RNF10: variants seen among roughly 807,000 people sequenced by gnomAD.
RNF10 encodes E3 ubiquitin-protein ligase RNF10.
A neutral mutation model predicts 91.4 loss-of-function variants in RNF10; 38 were observed. That is an observed-to-expected ratio of 0.42 (90% CI 0.32 to 0.54). The LOEUF is 0.54. Among genes scored for constraint, RNF10 ranks in the 20% least tolerant of loss-of-function variants. RNF10 has a pLI of 0.16. For synonymous variants in RNF10, 364 were observed against 366.3 expected, an observed-to-expected ratio of 0.99 and a Z score of 0.07; for missense variants, 945 against 1,012.0, an observed-to-expected ratio of 0.93 and a Z score of 0.90.
intron 6 of RNF10, among the ~76,000 whole-genome samples, chr12:120,559,373 G>T (rs1467297402): frequency 6.6e-6 from 1 of 151,250 alleles, no homozygotes; most frequent in Admixed American, 6.6e-5. Flanking sequence ...GTGTGTGTGT[G>T]TTGTGCTTTT....
At chr12:120,556,111 T>G (rs1873964131) in intron 4 of RNF10, among the ~76,000 whole-genome samples, 1 of 151,546 alleles carries the variant, frequency 6.6e-6, no homozygotes, top group South Asian at 2.1e-4. Context: ...TCAAAGCCAC[T>G]GATGTGTTTT....
At chr12:120,574,569 G>C in intron 14 of RNF10, 1 of 455,914 alleles carries the variant, frequency 2.2e-6, no homozygotes, top group African/African-American at 2.0e-5. Flanking sequence ...GGTGTCAGGA[G>C]AGAGTTTAGT....
Position 120,534,831 on chromosome 12 carries a change from A to ACGCCGC in RNF10, c.25_30dup (p.Ala9_Ala10dup), listed in dbSNP as rs779855080. The ACGCCGC allele has an allele frequency of 1.3e-6, 2 of 1,591,732 alleles. No individual in the cohort carries two copies. The highest frequency in any genetic ancestry group is 1.7e-6 in the Non-Finnish European group (2 of 1,174,374). On this transcript the variant is annotated inframe_insertion, in exon 1 of 17. Transcript: ENST00000325954. ...CCGTTGATGCCGCTGAGCTCCCCCA[A>ACGCCGC]CGCCGCCGCCACCGCCTCCGACATG...
intron 1 of RNF10, among the ~76,000 whole-genome samples, chr12:120,544,608 A>G (rs1290109038): frequency 1.3e-5 from 2 of 152,178 alleles, no homozygotes; most frequent in Non-Finnish European, 1.5e-5. Flanking sequence ...AGTGAACGAG[A>G]TTGTGCCACT....
chr12:120,558,465 C>T (rs1421754543), intron 6 of RNF10, among the ~76,000 whole-genome samples: 2 of 150,988 alleles, frequency 1.3e-5, no homozygotes, highest in Non-Finnish European at 2.9e-5. Flanking sequence ...AAAAAAAAAT[C>T]CTCAGATATG....
intron 1 of RNF10, among the ~76,000 whole-genome samples, chr12:120,536,765 T>G (rs926220073): frequency 6.6e-6 from 1 of 152,230 alleles, no homozygotes; most frequent in Non-Finnish European, 1.5e-5. Context: ...ATGTTAAGGA[T>G]TTGGTTCTCC....
intron 14 of RNF10, chr12:120,575,307 G>A: frequency 3.4e-6 from 1 of 296,180 alleles, no homozygotes; most frequent in East Asian, 7.9e-5. Context: ...CCCAGGAAGG[G>A]CAGAAAAACT....
At chr12:120,576,401 C>T (rs1406316424) in intron 16 of RNF10, among the ~76,000 whole-genome samples, 189 bp from the exon 17 acceptor site, 1 of 152,168 alleles carries the variant, frequency 6.6e-6, no homozygotes, top group Admixed American at 6.5e-5. Flanking sequence ...AACTGAGGTC[C>T]AGGGAGGTAA....
intron 1 of RNF10, among the ~76,000 whole-genome samples, chr12:120,540,419 A>AT (rs764621612): frequency 6.6e-6 from 1 of 152,068 alleles, no homozygotes; most frequent in Non-Finnish European, 1.5e-5. Flanking sequence ...GGAACTTGAT[A>AT]TTTTTTGTTT....
In RNF10 at chr12:120,546,313, T is replaced by C. The variant is rs1593059994; in HGVS notation, c.158-92T>C. 33 of 1,198,268 alleles carry C rather than the reference T, an allele frequency of 2.8e-5. No individual in the cohort carries two copies. In the East Asian group the frequency reaches 7.8e-4, roughly 28 times the overall value. The allele number at this position is 1,198,268 out of a possible 1,614,324, so 74.2% of individuals were successfully genotyped here. ...TTCCTGAAGGTGGTCAAAGGGCCTA[T>C]TCACCCTTATTTTTTGCTGGGAGGT... On this transcript the variant is annotated intron_variant, in intron 1 of 16. Transcript: ENST00000325954.
chr12:120,538,946 A>G (rs1237562195), intron 1 of RNF10, among the ~76,000 whole-genome samples: 2 of 152,162 alleles, frequency 1.3e-5, no homozygotes, highest in Non-Finnish European at 2.9e-5. Context: ...GGTGATTTGA[A>G]GCCTTCAGTA....
At chr12:120,542,657 A>G (rs1306910753) in intron 1 of RNF10, among the ~76,000 whole-genome samples, 1 of 152,052 alleles carries the variant, frequency 6.6e-6, no homozygotes, top group Admixed American at 6.6e-5. Flanking sequence ...GGTTCAAATG[A>G]TTCTCATGCC....
intron 8 of RNF10, 127 bp from the exon 9 acceptor site, chr12:120,563,220 G>A (rs1875163680): frequency 2.0e-6 from 3 of 1,472,990 alleles, no homozygotes; most frequent in Non-Finnish European, 2.8e-6. Context: ...CCCCAGGGGT[G>A]TTAAATCAGT....
intron 1 of RNF10, chr12:120,539,538 A>G: frequency 1.5e-6 from 1 of 646,818 alleles, no homozygotes; most frequent in East Asian, 6.7e-5. Context: ...TCTGACCTCT[A>G]GGCCGAGCCA....
chr12:120,555,070 A>T (rs1873765784), intron 4 of RNF10, among the ~76,000 whole-genome samples: 1 of 152,132 alleles, frequency 6.6e-6, no homozygotes, highest in Admixed American at 6.5e-5. Context: ...TACCCTCCTG[A>T]TCTGGGTTGG....
At chr12:120,542,952 C>T (rs1337824854) in intron 1 of RNF10, among the ~76,000 whole-genome samples, 5 of 152,164 alleles carry the variant, frequency 3.3e-5, no homozygotes, top group Non-Finnish European at 7.3e-5. Flanking sequence ...GTTTACATTG[C>T]TGCCATTTCA....
rs748825593 is a variant in RNF10, at chr12:120,575,689, G to C, written c.2200+1G>C. 6.2e-7 allele frequency: 1 copy of C among 1,614,224 alleles called. No individual in the cohort carries two copies. Among genetic ancestry groups the C allele is most frequent in the Non-Finnish European group, 8.5e-7 (1 of 1,180,038 alleles). ...TGGCCCAAAACTGCTCCAAAGAAAG[G>C]TGAGGATGGTCCACTGGTGAAGGGG... On this transcript the variant is annotated splice_donor_variant, in intron 15 of 16. Transcript: ENST00000325954. LOFTEE classifies it high-confidence loss of function.
At chr12:120,560,620 C>A (rs1874706702) in intron 6 of RNF10, 106 bp from the exon 7 acceptor site, 4 of 1,040,928 alleles carry the variant, frequency 3.8e-6, no homozygotes, top group African/African-American at 1.6e-5. Context: ...GCTAAATTAC[C>A]CCATTTTCAC....
chr12:120,557,359 A>C lies in RNF10; in HGVS notation c.723A>C (p.Gly241=). The part of the protein sequence containing the change: ...PPTAAKITRC[G]HIFCWACILH... The stretch of plus-strand genomic sequence containing the variant: ...CTGCAGCCAAGATAACCCGTTGTGG[A>C]CACATCTTCTGCTGGGCATGCATCC... Residue 241 remains glycine (G), a synonymous_variant, in exon 5 of 17, where the codon GGA becomes GGC. Coordinates refer to ENST00000325954, the MANE Select transcript of RNF10 (RefSeq NM_014868.5). The C allele has an allele frequency of 6.2e-7, 1 of 1,614,180 alleles. No individual in the cohort carries two copies. The highest frequency in any genetic ancestry group is 1.1e-5 in the South Asian group (1 of 91,086).
Sources: allele counts gnomAD v4.1 joint callset (sites outside exome capture counted in the v4.1 genomes callset), GRCh38; gene constraint gnomAD v4.1.1; transcripts MANE v1.5; gene names NCBI Gene and HGNC (gene_info 2026-07-23, HGNC 2026-07-21).